CSMD1: variants seen among roughly 807,000 people sequenced by gnomAD.
CSMD1 encodes CUB and sushi domain-containing protein 1.
Under a neutral mutation model 417.5 loss-of-function variants are expected in CSMD1, and 213 were observed. That is an observed-to-expected ratio of 0.51 (90% CI 0.46 to 0.57). The LOEUF is 0.57. Ranked by LOEUF, CSMD1 falls within the 20% of genes least tolerant of loss-of-function variation. The pLI is 0.00. For missense variants in CSMD1, 6,923 were observed against 4,529.7 expected (o/e 1.53, Z -15.17); for synonymous variants, 2,862 against 1,736.8 (o/e 1.65, Z -16.11).
intron 1 of CSMD1, among the ~76,000 whole-genome samples, chr8:4,744,095 G>A (rs1268277011): frequency 1.3e-5 from 2 of 152,182 alleles, no homozygotes; most frequent in Non-Finnish European, 2.9e-5. Flanking sequence ...GGTATGAGCA[G>A]GAGCTAATAC....
intron 23 of CSMD1, among the ~76,000 whole-genome samples, chr8:3,336,614 C>T (rs192147828): frequency 6.6e-6 from 1 of 152,320 alleles, no homozygotes; most frequent in East Asian, 1.9e-4. Context: ...CACTTTACCA[C>T]AGAGCAAGGG....
At chr8:3,617,413 C>G (rs528032275) in intron 7 of CSMD1, among the ~76,000 whole-genome samples, 3 of 152,302 alleles carry the variant, frequency 2.0e-5, no homozygotes, top group African/African-American at 4.8e-5. Flanking sequence ...TAGAGTAGCT[C>G]TCACTTCAAC....
intron 2 of CSMD1, among the ~76,000 whole-genome samples, chr8:4,534,631 T>G (rs1797006809): frequency 6.6e-6 from 1 of 152,076 alleles, no homozygotes; most frequent in African/African-American, 2.4e-5. Context: ...ATTTTCCCAT[T>G]TTTATGGCCA....
chr8:4,782,147 T>A (rs573684315), intron 1 of CSMD1, among the ~76,000 whole-genome samples: 1 of 152,290 alleles, frequency 6.6e-6, no homozygotes, highest in South Asian at 2.1e-4. Context: ...GGTTGCTCAA[T>A]GGGTACAAAG....
intron 3 of CSMD1, among the ~76,000 whole-genome samples, chr8:4,371,377 T>C (rs1002233605): frequency 1.3e-5 from 2 of 152,216 alleles, no homozygotes; most frequent in South Asian, 2.1e-4. Flanking sequence ...CTTCCTGTTA[T>C]ATTTTGTATT....
chr8:3,642,122 C>G (rs535656115), intron 7 of CSMD1, among the ~76,000 whole-genome samples: 9 of 151,928 alleles, frequency 5.9e-5, no homozygotes, highest in African/African-American at 2.2e-4. Context: ...AAAATGGAAA[C>G]TGGAAACTCA....
intron 1 of CSMD1, among the ~76,000 whole-genome samples, chr8:4,902,129 G>C (rs148783357): frequency 6.6e-6 from 1 of 152,036 alleles, no homozygotes; most frequent in Admixed American, 6.6e-5. Flanking sequence ...TATCAATGAA[G>C]TTTGTTAAAA....
intron 3 of CSMD1, among the ~76,000 whole-genome samples, chr8:4,244,853 T>C (rs775226963): frequency 5.3e-5 from 8 of 152,182 alleles, no homozygotes; most frequent in Non-Finnish European, 1.0e-4. Context: ...GGTGTCATTG[T>C]AACAAGATCC....
intron 41 of CSMD1, among the ~76,000 whole-genome samples, chr8:3,134,335 C>T (rs1328622530): frequency 2.0e-5 from 3 of 152,304 alleles, no homozygotes; most frequent in Non-Finnish European, 2.9e-5. Context: ...AGAGGCAATG[C>T]AGCCACAGCG....
In CSMD1 at chr8:3,280,498, T is replaced by C. The variant is rs1275970334; in HGVS notation, c.4153+3646A>G. ...AGACAATCTTGCAGAAAATCCTTCA[T>C]TTAAATGCCTCAGAGTCAATGTTAT... is the stretch of plus-strand genomic sequence containing the variant. On this transcript the variant is annotated intron_variant, in intron 26 of 69. Coordinates refer to ENST00000635120, the MANE Select transcript of CSMD1 (RefSeq NM_033225.6). Among the ~76,000 whole-genome samples, 5 of 152,178 alleles carry C rather than the reference T, an allele frequency of 3.3e-5. 1 individual carries two copies. Among genetic ancestry groups the C allele is most frequent in the Admixed American group, 3.3e-4 (5 of 15,278 alleles).
chr8:4,055,657 G>A (rs1798653348), intron 3 of CSMD1, among the ~76,000 whole-genome samples: 1 of 151,970 alleles, frequency 6.6e-6, no homozygotes. Flanking sequence ...ACTGTTTAAT[G>A]TAATTATAAA....
At chr8:3,389,460 G>A (rs113942139) in intron 17 of CSMD1, among the ~76,000 whole-genome samples, 1 of 151,494 alleles carries the variant, frequency 6.6e-6, no homozygotes, top group East Asian at 2.0e-4. Flanking sequence ...TCCCTCAAAA[G>A]AAGAAGCTCT....
intron 1 of CSMD1, among the ~76,000 whole-genome samples, chr8:4,734,225 T>C (rs1810080896): frequency 6.6e-6 from 1 of 152,184 alleles, no homozygotes; most frequent in Non-Finnish European, 1.5e-5. Flanking sequence ...TATAAGGATG[T>C]GTTTTGATTT....
At chr8:4,233,165 T>A (rs948924643) in intron 3 of CSMD1, among the ~76,000 whole-genome samples, 1 of 152,244 alleles carries the variant, frequency 6.6e-6, no homozygotes, top group African/African-American at 2.4e-5. Flanking sequence ...TGCATTTTAA[T>A]AGAAGCAACA....
intron 49 of CSMD1, among the ~76,000 whole-genome samples, chr8:3,065,041 T>C (rs1812828784): frequency 6.6e-6 from 1 of 152,118 alleles, no homozygotes; most frequent in Non-Finnish European, 1.5e-5. Context: ...CAGGCTAACT[T>C]TTTACTTAAT....
chr8:4,512,771 G>C (rs191544142), intron 2 of CSMD1, among the ~76,000 whole-genome samples: 85 of 140,286 alleles, frequency 6.1e-4, no homozygotes, highest in Non-Finnish European at 1.1e-3. Context: ...ATAAAACTCT[G>C]AATTAAAAAA....
At chr8:4,524,405 G>C (rs965147332) in intron 2 of CSMD1, among the ~76,000 whole-genome samples, 5 of 152,116 alleles carry the variant, frequency 3.3e-5, no homozygotes, top group East Asian at 1.9e-4. Context: ...ATATACACTA[G>C]TATTCAAGAG....
rs117452620 is a variant in CSMD1, at chr8:4,698,526, T to A, written c.86-60968A>T. 2.7e-3 allele frequency among the ~76,000 whole-genome samples: 409 copies of A among 152,082 alleles called. 2 individuals carry two copies. The Middle Eastern group carries it at 0.027, about 10-fold the overall frequency. On this transcript the variant is annotated intron_variant, in intron 1 of 69. Coordinates refer to ENST00000635120, the MANE Select transcript of CSMD1 (RefSeq NM_033225.6). ...TGTGTTAGGCCTAAAGAAGTCCACC[T>A]ACAGGGAAGTTTATTTTTGAGACAG...
chr8:4,470,285 C>A (rs963217292), intron 2 of CSMD1, among the ~76,000 whole-genome samples: 2 of 152,168 alleles, frequency 1.3e-5, no homozygotes, highest in East Asian at 1.9e-4. Flanking sequence ...AGCCTTCTCC[C>A]TCCTCTCCTT....
Sources: gnomAD v4.1 joint callset for allele counts (sites outside exome capture counted in the v4.1 genomes callset) on GRCh38, gnomAD v4.1.1 for gene constraint, MANE v1.5 for transcripts, NCBI Gene and HGNC (gene_info 2026-07-23, HGNC 2026-07-21) for gene names.